MAP3K19: variants seen among roughly 807,000 people sequenced by gnomAD.
MAP3K19 encodes SPS1/STE20-related protein kinase YSK4.
MAP3K19 carries 91 observed loss-of-function variants against 114.4 expected under a neutral mutation model. The observed-to-expected ratio is 0.80, with a 90% CI of 0.67 to 0.95. The LOEUF (loss-of-function observed/expected upper bound fraction) is 0.95, where lower values mean the gene tolerates loss of function less well. Ranked by LOEUF, MAP3K19 falls within the 40% of genes least tolerant of loss-of-function variation. The pLI, the probability that MAP3K19 is intolerant of heterozygous loss-of-function variation, is 0.00. For missense variants in MAP3K19, 1,471 were observed against 1,573.2 expected (o/e 0.94, Z 1.10); for synonymous variants, 518 against 530.5 (o/e 0.98, Z 0.32).
At chr2:134,996,875 A>AAAACAAAC (rs1226622280) in intron 8 of MAP3K19, among the ~76,000 whole-genome samples, 1 of 152,064 alleles carries the variant, frequency 6.6e-6, no homozygotes, top group Non-Finnish European at 1.5e-5. Context: ...TCTGTACCAA[A>AAAACAAAC]AAACAAACAA....
rs1688440722 is a variant in MAP3K19, at chr2:135,033,441, G to T, written c.-283-2941C>A. On this transcript the variant is annotated intron_variant, in intron 2 of 12. Transcript: ENST00000392915. ...AGGGGATCCTCACTTCCCAGTAGGG[G>T]CGGTCGGGCAGAGGCGCCCCCCACC... Among the ~76,000 whole-genome samples, 3 of 119,104 alleles carry T rather than the reference G, an allele frequency of 2.5e-5. 1 individual carries two copies. The highest frequency in any genetic ancestry group is 4.9e-5 in the Non-Finnish European group (3 of 61,366). 78.1% of individuals were successfully genotyped at this position (119,104 alleles called of 152,430 possible). A position where few individuals can be genotyped will look rare whatever the true frequency, so the allele number is the denominator to read the frequency against.
intron 4 of MAP3K19, chr2:135,023,769 C>G (rs1222398665): frequency 3.0e-6 from 1 of 329,288 alleles, no homozygotes; most frequent in East Asian, 7.8e-5. Context: ...ATGGGCACTT[C>G]TATAATTTCT....
At position 135,018,990 on chromosome 2, in the gene MAP3K19, C is replaced by T. The variant is rs143501046; in HGVS notation, c.138+2725G>A. 7.7e-4 allele frequency among the ~76,000 whole-genome samples: 116 copies of T among 151,554 alleles called. 2 individuals are homozygous for T. In the East Asian group the frequency reaches 0.011, roughly 15 times the overall value. The stretch of plus-strand genomic sequence containing the variant: ...ATCCCAGCTACTCAGGAGGCAGAGA[C>T]GGGAAAATTGCTTGGGAGGCAGAGG... On this transcript the variant is annotated intron_variant, in intron 5 of 12. Transcript: ENST00000392915.
intron 12 of MAP3K19, among the ~76,000 whole-genome samples, chr2:134,969,037 C>T (rs965508610): frequency 2.6e-5 from 4 of 152,196 alleles, no homozygotes; most frequent in East Asian, 1.9e-4. Context: ...GGGATCACGC[C>T]GCTGCACTCC....
chr2:134,968,421 T>A (rs1683558511), intron 12 of MAP3K19, among the ~76,000 whole-genome samples: 1 of 149,110 alleles, frequency 6.7e-6, no homozygotes, highest in African/African-American at 2.5e-5. Context: ...GCTCCTCACA[T>A]CCCAGTAGGG....
chr2:134,999,697 G>A lies in MAP3K19; in HGVS notation c.314+240C>T, dbSNP rs1463606567. ...AATTGGATCACAGCCACACTCATTT[G>A]TTTACATATTGTCTATGGCTGCATT... On this transcript the variant is annotated intron_variant, in intron 7 of 12. Transcript: ENST00000392915. This position sits in a 1 kb window ranked among gnomAD's most constrained non-coding sequence, Gnocchi z 4.1. 1.3e-5 allele frequency among the ~76,000 whole-genome samples: 2 copies of A among 152,128 alleles called. No individual in the cohort carries two copies. The highest frequency in any genetic ancestry group is 2.9e-5 in the Non-Finnish European group (2 of 68,024).
At chr2:134,988,275 C>T (rs770782102) in intron 9 of MAP3K19, 22 bp from the exon 10 acceptor site, 2 of 1,521,162 alleles carry the variant, frequency 1.3e-6, no homozygotes, top group Non-Finnish European at 1.7e-6. Flanking sequence ...ACAGAAAAAG[C>T]TGTGAATGCA....
chr2:135,017,291 T>C (rs1220394173), intron 5 of MAP3K19, among the ~76,000 whole-genome samples: 2 of 152,224 alleles, frequency 1.3e-5, no homozygotes, highest in East Asian at 3.8e-4. Context: ...GTTTATTTTC[T>C]GGGGTTATTA....
At chr2:135,003,016 C>G (rs905608774) in intron 6 of MAP3K19, among the ~76,000 whole-genome samples, 34 of 152,118 alleles carry the variant, frequency 2.2e-4, no homozygotes, top group African/African-American at 8.2e-4. Context: ...CATGAGGTGT[C>G]AAGGGTGGGG....
At chr2:134,992,830 C>T (rs760431769) in intron 8 of MAP3K19, among the ~76,000 whole-genome samples, 12 of 152,062 alleles carry the variant, frequency 7.9e-5, no homozygotes, top group South Asian at 4.2e-4. Context: ...CCATCATGCC[C>T]GGCTAATTTT....
chr2:135,042,007 A>G (rs1258547333), intron 1 of MAP3K19, among the ~76,000 whole-genome samples: 1 of 152,240 alleles, frequency 6.6e-6, no homozygotes, highest in Non-Finnish European at 1.5e-5. Flanking sequence ...GTACTAGCCC[A>G]TGAATTCAGC....
At position 134,998,808 on chromosome 2, in the gene MAP3K19, C is replaced by T. The variant is rs6754977; in HGVS notation, c.504G>A (p.Leu168=). ...GFLLPRSCLE[L]NISKSVTRED... ...CTCTGGTTACAGACTTGGAAATGTT[C>T]AGTTCTAAACAAGATCTTGGTAGCA... The change falls in exon 8 of 13, where the codon CTG becomes CTA. Residue 168 remains leucine, a synonymous_variant. Coordinates refer to ENST00000392915, the MANE Select transcript of MAP3K19 (RefSeq NM_025052.5). The T allele has an allele frequency of 0.014, 23,330 of 1,613,940 alleles. 2,442 individuals are homozygous for T. The African/African-American group carries it at 0.25, about 17-fold the overall frequency.
chr2:135,011,929 G>T (rs1271550493), intron 5 of MAP3K19, among the ~76,000 whole-genome samples: 1 of 152,080 alleles, frequency 6.6e-6, no homozygotes, highest in East Asian at 1.9e-4. Context: ...TTATTTCAAT[G>T]TATTAATATG....
At chr2:134,978,999 C>T (rs1489128098) in intron 12 of MAP3K19, among the ~76,000 whole-genome samples, 5 of 152,214 alleles carry the variant, frequency 3.3e-5, no homozygotes, top group Non-Finnish European at 5.9e-5. Flanking sequence ...GCTTATTTCT[C>T]TCAGCTTCCC....
At chr2:135,019,593 A>G (rs929679938) in intron 5 of MAP3K19, among the ~76,000 whole-genome samples, 1 of 152,248 alleles carries the variant, frequency 6.6e-6, no homozygotes, top group Non-Finnish European at 1.5e-5. Flanking sequence ...TTGAGGCTCC[A>G]GTGAGCCATG....
intron 9 of MAP3K19, among the ~76,000 whole-genome samples, chr2:134,988,849 A>G (rs1685360806): frequency 6.6e-6 from 1 of 152,226 alleles, no homozygotes. Flanking sequence ...AATTTAAGAT[A>G]AGAAGCATTT....
At chr2:135,006,990 C>G (rs1416950251) in intron 5 of MAP3K19, among the ~76,000 whole-genome samples, 1 of 151,578 alleles carries the variant, frequency 6.6e-6, no homozygotes, top group East Asian at 1.9e-4. Flanking sequence ...ATGGTGAAGC[C>G]CCATCTCTAC....
In MAP3K19 at chr2:134,999,914, A is replaced by T. The variant is rs1686314195; in HGVS notation, c.314+23T>A. ...TGCTTCATACTTCATTTCAAATCTG[A>T]TACTTCAAAGAATATTCCTTACTTC... On this transcript the variant is annotated intron_variant, in intron 7 of 12. Transcript: ENST00000392915. The surrounding 1 kb of genome is among the most constrained non-coding windows in gnomAD (Gnocchi z 4.1). 1 of 1,474,368 alleles carries T rather than the reference A, an allele frequency of 6.8e-7. No individual in the cohort carries two copies. Among genetic ancestry groups the T allele is most frequent in the Non-Finnish European group, 9.5e-7 (1 of 1,053,028 alleles). 91.3% of individuals were successfully genotyped at this position (1,474,368 alleles called of 1,614,324 possible).
At position 134,999,489 on chromosome 2, in the gene MAP3K19, G is replaced by GT. The variant is rs1686282397; in HGVS notation, c.314+447dup. Among the ~76,000 whole-genome samples the GT allele has an allele frequency of 6.6e-6, 1 of 152,174 alleles. No homozygotes were observed. The highest frequency in any genetic ancestry group is 2.4e-5 in the African/African-American group (1 of 41,434). ...TTGTTTCACTACCCGATCAATGAAC[G>GT]TAAGTTATTTGCCAAATTGCTTTGC... On this transcript the variant is annotated intron_variant, in intron 7 of 12. Coordinates refer to ENST00000392915, the MANE Select transcript of MAP3K19 (RefSeq NM_025052.5). This position sits in a 1 kb window ranked among gnomAD's most constrained non-coding sequence, Gnocchi z 4.1.
Sources: allele counts gnomAD v4.1 joint callset (sites outside exome capture counted in the v4.1 genomes callset), GRCh38; gene constraint gnomAD v4.1.1; non-coding constraint Gnocchi (gnomAD v3.1); transcripts MANE v1.5; gene names NCBI Gene and HGNC (gene_info 2026-07-23, HGNC 2026-07-21).